Variants in JAK1 observed in about 807,000 individuals in gnomAD.
JAK1 encodes the protein Janus kinase 1.
A neutral mutation model predicts 136.6 loss-of-function variants in JAK1; 16 were observed. That is an observed-to-expected ratio of 0.12 (90% CI 0.08 to 0.18). The LOEUF is 0.18. Ranked by LOEUF, JAK1 falls within the 10% of genes least tolerant of loss-of-function variation. JAK1 has a pLI of 1.00. For missense variants in JAK1, 859 were observed against 1,450.1 expected, an observed-to-expected ratio of 0.59 and a Z score of 6.62; for synonymous variants, 492 against 519.5, an observed-to-expected ratio of 0.95 and a Z score of 0.72.
chr1:64,905,383 T>C (rs1042201942), intron 1 of JAK1, among the ~76,000 whole-genome samples: 1 of 152,230 alleles, frequency 6.6e-6, no homozygotes, highest in African/African-American at 2.4e-5. Flanking sequence ...AATGCATACA[T>C]GTTTTTATAA....
chr1:64,903,243 T>C (rs1360729402), intron 1 of JAK1, among the ~76,000 whole-genome samples: 2 of 152,192 alleles, frequency 1.3e-5, no homozygotes, highest in Admixed American at 1.3e-4. Flanking sequence ...GCCATGCTGG[T>C]CTCGAACTCC....
intron 2 of JAK1, among the ~76,000 whole-genome samples, chr1:65,023,254 A>G (rs1646951775): frequency 6.6e-6 from 1 of 151,726 alleles, no homozygotes. Context: ...AGGCATACGT[A>G]GCCATACTGG....
intron 2 of JAK1, among the ~76,000 whole-genome samples, chr1:65,031,319 T>C (rs1647022197): frequency 6.6e-6 from 1 of 152,206 alleles, no homozygotes; most frequent in African/African-American, 2.4e-5. Context: ...ACTTCTGTGG[T>C]ATTTCTGCTC....
At chr1:65,060,894 A>G (rs1295792742) in intron 1 of JAK1, among the ~76,000 whole-genome samples, 1 of 152,226 alleles carries the variant, frequency 6.6e-6, no homozygotes, top group African/African-American at 2.4e-5. Context: ...TTTATAAACA[A>G]GTGACTACAG....
At chr1:65,022,801 T>C (rs1398260680) in intron 2 of JAK1, among the ~76,000 whole-genome samples, 1 of 152,204 alleles carries the variant, frequency 6.6e-6, no homozygotes, top group East Asian at 1.9e-4. Flanking sequence ...TATAGCATTT[T>C]ATTTAGGGCT....
chr1:64,943,270 T>C lies in JAK1; in HGVS notation c.-78+23063A>G, dbSNP rs375379235. ...ACCTCATCAGATGACCATAACACCC[T>C]GATTGGTGGTCAGGTGTGAATCCCC... On this transcript the variant is annotated intron_variant, in intron 1 of 24. Transcript: ENST00000342505. Among the ~76,000 whole-genome samples, 30 of 152,296 alleles carry C rather than the reference T, an allele frequency of 2.0e-4. 5 individuals are homozygous for C. Among genetic ancestry groups the C allele is most frequent in the Admixed American group, 3.3e-4 (5 of 15,296 alleles).
intron 20 of JAK1, 21 bp downstream of exon 20, chr1:64,839,582 C>G (rs372570899): frequency 1.5e-5 from 24 of 1,606,766 alleles, no homozygotes; most frequent in Non-Finnish European, 2.0e-5. Context: ...TTAAACCGGA[C>G]CCCAGCCTTG....
At chr1:64,862,946 G>T (rs1321321577) in intron 8 of JAK1, among the ~76,000 whole-genome samples, 1 of 152,128 alleles carries the variant, frequency 6.6e-6, no homozygotes, top group Non-Finnish European at 1.5e-5. Flanking sequence ...TTCTTACAAG[G>T]ACTAAGACAG....
At chr1:65,047,508 G>A (rs1415137978) in intron 1 of JAK1, among the ~76,000 whole-genome samples, 4 of 152,160 alleles carry the variant, frequency 2.6e-5, no homozygotes, top group Non-Finnish European at 5.9e-5. Context: ...CACAAGGTCA[G>A]GAGATCGAGA....
intron 2 of JAK1, among the ~76,000 whole-genome samples, chr1:65,038,917 C>T (rs1343532057): frequency 6.6e-6 from 1 of 150,592 alleles, no homozygotes; most frequent in Admixed American, 6.6e-5. Context: ...GGATTACAGG[C>T]GTGAGCCACC....
intron 1 of JAK1, chr1:65,058,343 T>A: frequency 1.9e-6 from 1 of 529,618 alleles, no homozygotes; most frequent in Non-Finnish European, 3.9e-6. Context: ...GGTAAGAGGG[T>A]TTCTGGGTCC....
chr1:65,021,276 G>A (rs1014554552), intron 2 of JAK1, among the ~76,000 whole-genome samples: 1 of 152,188 alleles, frequency 6.6e-6, no homozygotes. Context: ...AAGGTTTGGG[G>A]AGAAGGAGAA....
At chr1:64,877,745 C>T (rs1307536405) in intron 4 of JAK1, among the ~76,000 whole-genome samples, 1 of 152,180 alleles carries the variant, frequency 6.6e-6, no homozygotes, top group Non-Finnish European at 1.5e-5. Flanking sequence ...GGACATACCC[C>T]TTCCAGACTT....
intron 5 of JAK1, among the ~76,000 whole-genome samples, chr1:64,870,229 G>A (rs541967870): frequency 1.3e-5 from 2 of 152,004 alleles, no homozygotes; most frequent in African/African-American, 2.4e-5. Context: ...ACCTTACAAC[G>A]TGGATGTTAA....
intron 2 of JAK1, among the ~76,000 whole-genome samples, chr1:65,030,969 C>T (rs1421781107): frequency 1.3e-5 from 2 of 151,864 alleles, no homozygotes; most frequent in Non-Finnish European, 2.9e-5. Context: ...CCCTAGACAA[C>T]ACGGCAACAC....
At chr1:64,849,769 C>T (rs1276776312) in intron 12 of JAK1, among the ~76,000 whole-genome samples, 2 of 151,984 alleles carry the variant, frequency 1.3e-5, no homozygotes, top group African/African-American at 2.4e-5. Context: ...AAGAGGCAGG[C>T]CCCACAGACT....
chr1:64,907,851 T>C (rs1040455264), intron 1 of JAK1, among the ~76,000 whole-genome samples: 2 of 152,212 alleles, frequency 1.3e-5, no homozygotes, highest in Non-Finnish European at 2.9e-5. Flanking sequence ...TCAAGTAATA[T>C]GGACTACTAA....
chr1:65,011,629 A>G (rs1646849746), intron 2 of JAK1, among the ~76,000 whole-genome samples: 1 of 152,206 alleles, frequency 6.6e-6, no homozygotes, highest in South Asian at 2.1e-4. Context: ...AAACTAGATC[A>G]TAGTTTATTT....
intron 1 of JAK1, among the ~76,000 whole-genome samples, chr1:64,966,022 G>C (rs375005974): frequency 1.8e-4 from 28 of 151,956 alleles, no homozygotes; most frequent in Middle Eastern, 3.4e-3. Context: ...CAGACAGCGC[G>C]CTCCGGGCTT....
Sources: gnomAD v4.1 joint callset for allele counts (sites outside exome capture counted in the v4.1 genomes callset) on GRCh38, gnomAD v4.1.1 for gene constraint, MANE v1.5 for transcripts, NCBI Gene and HGNC (gene_info 2026-07-23, HGNC 2026-07-21) for gene names.